HCK: variants seen among roughly 807,000 people sequenced by gnomAD.
HCK encodes tyrosine-protein kinase HCK.
A neutral mutation model predicts 70.4 loss-of-function variants in HCK; 40 were observed. The ratio of observed to expected loss-of-function variants is 0.57; its 90% CI spans 0.44 to 0.74. The LOEUF is 0.74. Ranked by LOEUF, HCK falls within the 30% of genes least tolerant of loss-of-function variation. HCK has a pLI of 0.00. For synonymous variants in HCK, 245 were observed against 263.2 expected (o/e 0.93, Z 0.67); for missense variants, 568 against 697.2 (o/e 0.81, Z 2.09).
intron 8 of HCK, 122 bp from the exon 9 acceptor site, chr20:32,086,506 C>A: frequency 1.2e-6 from 1 of 806,468 alleles, no homozygotes; most frequent in Non-Finnish European, 1.9e-6. Flanking sequence ...GCTTCCCTCT[C>A]TGAGAGTTGA....
chr20:32,059,744 C>T (rs1357449239), intron 1 of HCK, among the ~76,000 whole-genome samples: 7 of 152,014 alleles, frequency 4.6e-5, no homozygotes, highest in Admixed American at 4.6e-4. Flanking sequence ...TTAAATTCCT[C>T]GGCTCAAACG....
intron 1 of HCK, chr20:32,069,675 T>A: frequency 6.1e-6 from 4 of 653,224 alleles, no homozygotes; most frequent in Non-Finnish European, 9.8e-6. Flanking sequence ...GTTCCTTATT[T>A]TATTTCCAAA....
intron 5 of HCK, among the ~76,000 whole-genome samples, chr20:32,077,027 T>G (rs1329934913): frequency 6.6e-6 from 1 of 152,070 alleles, no homozygotes; most frequent in Admixed American, 6.5e-5. Context: ...GAGGTTGCAG[T>G]GAGCCGAGAT....
At position 32,066,331 on chromosome 20, in the gene HCK, T is replaced by TTTTTTTTTTTTTTTTTTTTGA. The variant is rs60044994; in HGVS notation, c.63-5331_63-5330insTTTTTTTTTTTTTTTTTTTGA. On this transcript the variant is annotated intron_variant, in intron 1 of 12. Coordinates refer to ENST00000375852, the MANE Select transcript of HCK (RefSeq NM_002110.5). ...TTTTTTTTTTTTTTTTTTTTTTTTT[T>TTTTTTTTTTTTTTTTTTTTGA]GACAGAGTCTTGCTCTGTTTCCCAG... Among the ~76,000 whole-genome samples, 27 of 81,910 alleles carry TTTTTTTTTTTTTTTTTTTTGA rather than the reference T, an allele frequency of 3.3e-4. 9 individuals are homozygous for TTTTTTTTTTTTTTTTTTTTGA. In the East Asian group the frequency reaches 3.9e-3, roughly 12 times the overall value. 53.7% of individuals were successfully genotyped at this position (81,910 alleles called of 152,430 possible).
At chr20:32,054,174 C>G (rs1478605554) in intron 1 of HCK, 1 of 452,996 alleles carries the variant, frequency 2.2e-6, no homozygotes, top group Admixed American at 2.4e-5. Context: ...TGAAGTCTCC[C>G]CACCTTGTAT....
At chr20:32,070,946 G>A (rs2045528000) in intron 1 of HCK, among the ~76,000 whole-genome samples, 2 of 131,422 alleles carry the variant, frequency 1.5e-5, no homozygotes, top group African/African-American at 5.7e-5. Context: ...GAAGGAGGAG[G>A]AGGGGGAAGG....
chr20:32,074,747 A>G (rs909404771), intron 5 of HCK, 26 bp downstream of exon 5: 9 of 1,541,478 alleles, frequency 5.8e-6, no homozygotes, highest in African/African-American at 1.4e-5. Context: ...CCTACCTTCC[A>G]GAAAGAGGCA....
At chr20:32,090,053 C>T (rs979503414) in intron 10 of HCK, among the ~76,000 whole-genome samples, 1 of 152,184 alleles carries the variant, frequency 6.6e-6, no homozygotes, top group African/African-American at 2.4e-5. Context: ...CCAGAGGACA[C>T]CACAAAGTGT....
intron 11 of HCK, among the ~76,000 whole-genome samples, chr20:32,097,454 C>G (rs1461609681): frequency 6.6e-6 from 1 of 152,144 alleles, no homozygotes; most frequent in Non-Finnish European, 1.5e-5. Flanking sequence ...TGGCGGGCAC[C>G]TGTAGTCCCA....
At chr20:32,055,394 G>C (rs1296383001) in intron 1 of HCK, among the ~76,000 whole-genome samples, 4 of 152,056 alleles carry the variant, frequency 2.6e-5, no homozygotes, top group Non-Finnish European at 5.9e-5. Flanking sequence ...ACCTTTTGAG[G>C]GAACAATAAC....
At chr20:32,084,348 C>A in intron 7 of HCK, 43 bp from the exon 8 acceptor site, 1 of 1,574,996 alleles carries the variant, frequency 6.3e-7, no homozygotes, top group Non-Finnish European at 8.6e-7. Context: ...CTCTGGCTGG[C>A]TCGGTGCTTG....
rs1238165907 is a variant in HCK, at chr20:32,099,637, C to T, written c.1378+502C>T. Among the ~76,000 whole-genome samples the T allele has an allele frequency of 3.9e-5, 6 of 152,096 alleles. No individual in the cohort carries two copies. The South Asian group carries it at 6.2e-4, about 16-fold the overall frequency. On this transcript the variant is annotated intron_variant, in intron 12 of 12. Transcript: ENST00000375852. ...CCTCCCAAAGTGCTGGGATTACAGG[C>T]GTGAGCCACTGTGCCTGGCCTCACC...
chr20:32,071,143 G>C (rs2045532188), intron 1 of HCK, among the ~76,000 whole-genome samples: 1 of 152,148 alleles, frequency 6.6e-6, no homozygotes. Flanking sequence ...CAGTTTTTCT[G>C]TAGTGTTTGC....
At chr20:32,078,419 A>G (rs1342391228) in intron 5 of HCK, among the ~76,000 whole-genome samples, 1 of 152,074 alleles carries the variant, frequency 6.6e-6, no homozygotes, top group Admixed American at 6.6e-5. Context: ...ATGAAAGCAA[A>G]GAAGGTAGAT....
rs1439742923 is a variant in HCK at position 32,101,301 on chromosome 20, C to T, written c.1379-16C>T. The T allele has an allele frequency of 5.0e-6, 8 of 1,612,054 alleles. No individual in the cohort carries two copies. Among genetic ancestry groups the T allele is most frequent in the Non-Finnish European group, 6.8e-6 (8 of 1,179,008 alleles). On this transcript the variant is annotated splice_polypyrimidine_tract_variant and intron_variant, in intron 12 of 12. Coordinates refer to ENST00000375852, the MANE Select transcript of HCK (RefSeq NM_002110.5). ...TCCCAACTGCTTCCGTTTCTAATTC[C>T]ACGGCTCCTTTTCAGGGATGTCAAA...
chr20:32,093,762 T>C, intron 10 of HCK, 101 bp from the exon 11 acceptor site: 1 of 1,123,716 alleles, frequency 8.9e-7, no homozygotes, highest in Non-Finnish European at 1.2e-6. Context: ...GTGCAGACAT[T>C]TCGCATTTTC....
chr20:32,054,757 G>T (rs1205812621), intron 1 of HCK, among the ~76,000 whole-genome samples: 1 of 152,216 alleles, frequency 6.6e-6, no homozygotes, highest in Non-Finnish European at 1.5e-5. Context: ...AGTGAGCCGA[G>T]ATCGTGCCAC....
intron 11 of HCK, among the ~76,000 whole-genome samples, chr20:32,094,783 GAAA>G (rs2045922940): frequency 1.6e-5 from 1 of 63,868 alleles, no homozygotes; most frequent in African/African-American, 1.0e-4. Flanking sequence ...GAAAGAGAGA[GAAA>G]GAGAAAGAAA....
At chr20:32,094,793 GAAAGAAAGAAAGAAAGAAAGAA>G (rs756466886) in intron 11 of HCK, among the ~76,000 whole-genome samples, 22 of 19,870 alleles carry the variant, frequency 1.1e-3, no homozygotes, top group South Asian at 5.2e-3. Flanking sequence ...GAAAGAGAAA[GAAAGAAAGAAAGAAAGAAAGAA>G]AGAAAGAAAG....
Sources: gnomAD v4.1 joint callset for allele counts (sites outside exome capture counted in the v4.1 genomes callset) on GRCh38, gnomAD v4.1.1 for gene constraint, MANE v1.5 for transcripts, NCBI Gene and HGNC (gene_info 2026-07-23, HGNC 2026-07-21) for gene names.